The following RASA3 variants were observed in gnomAD, a reference collection of about 807,000 sequenced individuals.
RASA3 encodes RAS p21 protein activator 3, also known as ras GTPase-activating protein 3.
A neutral mutation model predicts 110.0 loss-of-function variants in RASA3; 73 were observed. The ratio of observed to expected loss-of-function variants is 0.66; its 90% CI spans 0.55 to 0.81. The LOEUF is 0.81. RASA3 is among the 30% of genes least tolerant of loss of function. The pLI, the probability that RASA3 is intolerant of heterozygous loss-of-function variation, is 0.00. For missense variants in RASA3, 976 were observed against 1,113.2 expected (o/e 0.88, Z 1.75); for synonymous variants, 500 against 451.4 (o/e 1.11, Z -1.37).
Position 114,078,846 on chromosome 13 carries a change from C to G in RASA3, c.56-5009G>C, listed in dbSNP as rs187903548. ...GCTTCCCTGGAGGCCCACACAGGGT[C>G]TCCAAGTGCTGACAGCGAGCTGTCG... On this transcript the variant is annotated intron_variant, in intron 1 of 23. Transcript: ENST00000334062. Among the ~76,000 whole-genome samples, 52 of 152,304 alleles carry G rather than the reference C, an allele frequency of 3.4e-4. No homozygotes were observed. The East Asian group carries it at 9.3e-3, about 27-fold the overall frequency.
intron 1 of RASA3, among the ~76,000 whole-genome samples, chr13:114,106,133 C>A (rs2080132947): frequency 6.6e-6 from 1 of 151,896 alleles, no homozygotes; most frequent in African/African-American, 2.4e-5. Flanking sequence ...CACACGGCCT[C>A]TGCTGTCTTT....
chr13:113,978,810 C>T lies in RASA3; in HGVS notation c.*537G>A, dbSNP rs1476156207. The T allele has an allele frequency of 6.5e-6, 1 of 154,062 alleles. No homozygotes were observed. Among genetic ancestry groups the T allele is most frequent in the Non-Finnish European group, 1.4e-5 (1 of 69,188 alleles). The allele number at this position is 154,062 out of a possible 1,614,324, so 9.5% of individuals were successfully genotyped here. On this transcript the variant is annotated 3_prime_UTR_variant, in exon 24 of 24. Transcript: ENST00000334062. ...AAAGTGGAACAGGGAGGCCGCCTCC[C>T]ATGGCTGCCTGGATGGCAGGCACAG...
At chr13:114,042,121 T>C (rs188283151) in intron 3 of RASA3, among the ~76,000 whole-genome samples, 50 of 152,378 alleles carry the variant, frequency 3.3e-4, no homozygotes, top group African/African-American at 1.2e-3. Flanking sequence ...ACCATTATTA[T>C]CTGCTTATAC....
rs117958097 is a variant in RASA3, at chr13:114,096,857, C to T, written c.56-23020G>A. On this transcript the variant is annotated intron_variant, in intron 1 of 23. Transcript: ENST00000334062. This position sits in a 1 kb window ranked among gnomAD's most constrained non-coding sequence, Gnocchi z 5.1. ...CGATCTCGCTGCTCCCTCGGACGTACTCGCCCTACACCCCAGCCAAACGCA... is the reference window on the plus strand; with the variant it reads ...CGATCTCGCTGCTCCCTCGGACGTATTCGCCCTACACCCCAGCCAAACGCA... 5.0e-3 allele frequency among the ~76,000 whole-genome samples: 761 copies of T among 152,320 alleles called. 12 individuals are homozygous for T. The highest frequency in any genetic ancestry group is 0.017 in the East Asian group (90 of 5,190).
At chr13:114,122,285 C>T (rs2080389165) in intron 1 of RASA3, among the ~76,000 whole-genome samples, 1 of 152,272 alleles carries the variant, frequency 6.6e-6, no homozygotes, top group Non-Finnish European at 1.5e-5. Context: ...AAGCCCTCAT[C>T]CCAAAGCCCA....
At chr13:114,053,008 G>A (rs1349974652) in intron 2 of RASA3, among the ~76,000 whole-genome samples, 4 of 134,168 alleles carry the variant, frequency 3.0e-5, no homozygotes, top group African/African-American at 9.2e-5. Flanking sequence ...CTGGGGGAGA[G>A]ACCCCCGCTG....
intron 4 of RASA3, chr13:114,035,913 A>T (rs1488307976): frequency 6.6e-6 from 1 of 152,272 alleles, no homozygotes. Context: ...AGGCTGTAGC[A>T]GGAGGCTGGA....
At chr13:114,069,090 G>T (rs965922015) in intron 2 of RASA3, among the ~76,000 whole-genome samples, 4 of 152,226 alleles carry the variant, frequency 2.6e-5, no homozygotes, top group Admixed American at 1.3e-4. Flanking sequence ...GGGGGACACA[G>T]GCCTGAGGTG....
chr13:114,096,818 G>A lies in RASA3; in HGVS notation c.56-22981C>T, dbSNP rs766858937. Among the ~76,000 whole-genome samples, 7 of 152,208 alleles carry A rather than the reference G, an allele frequency of 4.6e-5. No individual in the cohort carries two copies. The highest frequency in any genetic ancestry group is 3.9e-4 in the East Asian group (2 of 5,186). ...TCTGGAGCCCCTACAAGCAACGTCC[G>A]TCTGTGTCCAGGCCGATCTCGCTGC... On this transcript the variant is annotated intron_variant, in intron 1 of 23. Transcript: ENST00000334062. This position sits in a 1 kb window ranked among gnomAD's most constrained non-coding sequence, Gnocchi z 5.1.
At chr13:113,999,752 G>A in intron 19 of RASA3, 85 bp from the exon 20 acceptor site, 1 of 1,012,064 alleles carries the variant, frequency 9.9e-7, no homozygotes, top group Non-Finnish European at 1.5e-6. Flanking sequence ...TCTGCCGGGG[G>A]GTCTCCCAGG....
intron 8 of RASA3, among the ~76,000 whole-genome samples, chr13:114,022,899 C>G (rs1379789960): frequency 6.6e-6 from 1 of 152,038 alleles, no homozygotes; most frequent in African/African-American, 2.4e-5. Flanking sequence ...CAGATCTGAC[C>G]GACCACGTCA....
At chr13:114,053,977 T>G (rs2079195632) in intron 2 of RASA3, among the ~76,000 whole-genome samples, 1 of 151,960 alleles carries the variant, frequency 6.6e-6, no homozygotes, top group Non-Finnish European at 1.5e-5. Context: ...AATACAAAAA[T>G]TAGCAGGGCA....
At chr13:114,069,077 C>T (rs543395120) in intron 2 of RASA3, among the ~76,000 whole-genome samples, 97 of 152,150 alleles carry the variant, frequency 6.4e-4, no homozygotes, top group Non-Finnish European at 1.1e-3. Flanking sequence ...AGGGAGGAGG[C>T]GTGGGGGACA....
intron 2 of RASA3, among the ~76,000 whole-genome samples, chr13:114,068,403 A>G (rs7338857): frequency 0.19 from 28,773 of 152,266 alleles, 2,872 homozygotes; most frequent in South Asian, 0.25. Flanking sequence ...GACAGACACC[A>G]TTCCACGTCC....
intron 7 of RASA3, 83 bp from the exon 8 acceptor site, chr13:114,024,438 T>G: frequency 8.1e-6 from 10 of 1,239,712 alleles, no homozygotes; most frequent in East Asian, 2.4e-5. Context: ...CGGGCTGCCC[T>G]ACCCTCTGCG....
At chr13:114,060,533 C>T (rs1415440375) in intron 2 of RASA3, among the ~76,000 whole-genome samples, 1 of 152,162 alleles carries the variant, frequency 6.6e-6, no homozygotes, top group East Asian at 1.9e-4. Flanking sequence ...CTCATGGGGA[C>T]GACAGGAATT....
intron 1 of RASA3, among the ~76,000 whole-genome samples, chr13:114,102,145 AAAAG>A (rs1210515916): frequency 6.6e-6 from 1 of 152,174 alleles, no homozygotes; most frequent in Non-Finnish European, 1.5e-5. Context: ...GACTGTCTTA[AAAAG>A]AGTGTCTTCT....
intron 1 of RASA3, among the ~76,000 whole-genome samples, chr13:114,089,635 G>A (rs559055643): frequency 1.3e-3 from 200 of 152,298 alleles, no homozygotes; most frequent in Non-Finnish European, 1.9e-3. Flanking sequence ...AGCCGCGCAC[G>A]GCCGCCCCAC....
chr13:114,003,412 G>A (rs1483932608), intron 18 of RASA3, among the ~76,000 whole-genome samples: 1 of 152,258 alleles, frequency 6.6e-6, no homozygotes, highest in Non-Finnish European at 1.5e-5. Context: ...AGTGTCCTGT[G>A]TTGCTTTAGG....
Sources: allele counts gnomAD v4.1 joint callset (sites outside exome capture counted in the v4.1 genomes callset), GRCh38; gene constraint gnomAD v4.1.1; non-coding constraint Gnocchi (gnomAD v3.1); transcripts MANE v1.5; gene names NCBI Gene and HGNC (gene_info 2026-07-23, HGNC 2026-07-21).